SYNRG: variants seen among roughly 807,000 people sequenced by gnomAD.
SYNRG encodes AP1 gamma subunit binding protein 1.
A neutral mutation model predicts 130.9 loss-of-function variants in SYNRG; 37 were observed. That is an observed-to-expected ratio of 0.28 (90% CI 0.22 to 0.37). The LOEUF (loss-of-function observed/expected upper bound fraction) is 0.37, where lower values mean the gene tolerates loss of function less well. Among genes scored for constraint, SYNRG ranks in the 10% least tolerant of loss-of-function variants. The pLI, the probability that SYNRG is intolerant of heterozygous loss-of-function variation, is 1.00. For synonymous variants in SYNRG, 539 were observed against 568.1 expected (o/e 0.95, Z 0.73); for missense variants, 1,338 against 1,588.9 (o/e 0.84, Z 2.68).
At chr17:37,520,061 T>A in intron 21 of SYNRG, 118 bp downstream of exon 21, 1 of 1,116,836 alleles carries the variant, frequency 9.0e-7, no homozygotes, top group Non-Finnish European at 1.4e-6. Context: ...CAAAACTGAC[T>A]CAGTGAAGGA....
intron 11 of SYNRG, among the ~76,000 whole-genome samples, chr17:37,564,890 T>C (rs1648122866): frequency 6.6e-6 from 1 of 152,234 alleles, no homozygotes; most frequent in Admixed American, 6.5e-5. Context: ...TATCCCAGTG[T>C]CTGGCATATA....
chr17:37,595,796 C>T (rs921944843), intron 3 of SYNRG, among the ~76,000 whole-genome samples: 2 of 150,400 alleles, frequency 1.3e-5, no homozygotes, highest in Admixed American at 1.3e-4. Context: ...ACTTTGTTGC[C>T]CAGGCTGGAG....
intron 19 of SYNRG, among the ~76,000 whole-genome samples, chr17:37,531,300 C>T (rs113285744): frequency 2.0e-5 from 3 of 152,110 alleles, no homozygotes; most frequent in South Asian, 2.1e-4. Context: ...ATCACTACAA[C>T]GGAAAGGAGA....
chr17:37,577,742 A>AGGCTG lies in SYNRG; in HGVS notation c.590-134_590-130dup, dbSNP rs567117464. ...GAGATGGAATCTCACTCTGTCACCC[A>AGGCTG]GGCTGTAGTGTACTGGCATGATCTC... On this transcript the variant is annotated intron_variant, in intron 6 of 21. Coordinates refer to ENST00000612223, the MANE Select transcript of SYNRG (RefSeq NM_007247.6). 7.5e-4 allele frequency: 526 copies of AGGCTG among 703,178 alleles called. 1 individual carries two copies. In the African/African-American group the frequency reaches 0.01, roughly 14 times the overall value. 43.6% of individuals were successfully genotyped at this position (703,178 alleles called of 1,614,324 possible). A position where few individuals can be genotyped will look rare whatever the true frequency, so the allele number is the denominator to read the frequency against.
At chr17:37,592,137 A>G (rs1440005344) in intron 3 of SYNRG, among the ~76,000 whole-genome samples, 1 of 152,232 alleles carries the variant, frequency 6.6e-6, no homozygotes, top group Non-Finnish European at 1.5e-5. Flanking sequence ...AAATGGTCAG[A>G]AGCTATGAAA....
At chr17:37,525,777 C>G (rs936709144) in intron 19 of SYNRG, among the ~76,000 whole-genome samples, 4 of 152,182 alleles carry the variant, frequency 2.6e-5, no homozygotes, top group Non-Finnish European at 5.9e-5. Flanking sequence ...ACCAGCCTGG[C>G]CAACATGGTG....
chr17:37,571,507 G>A (rs574269698), intron 9 of SYNRG, among the ~76,000 whole-genome samples: 36 of 152,260 alleles, frequency 2.4e-4, no homozygotes, highest in Admixed American at 5.2e-4. Flanking sequence ...ACTTGAACCC[G>A]GGAGGCGGAA....
At chr17:37,565,532 G>A (rs1399776681) in intron 11 of SYNRG, among the ~76,000 whole-genome samples, 1 of 150,410 alleles carries the variant, frequency 6.6e-6, no homozygotes, top group Non-Finnish European at 1.5e-5. Flanking sequence ...GAGCCCCTCT[G>A]CCTGGCTGCC....
intron 7 of SYNRG, 79 bp downstream of exon 7, chr17:37,577,301 G>T: frequency 7.7e-7 from 1 of 1,298,902 alleles, no homozygotes; most frequent in Middle Eastern, 1.9e-4. Flanking sequence ...GCATTCATTT[G>T]AAGATTAATG....
At chr17:37,555,490 C>G (rs534650995) in intron 13 of SYNRG, among the ~76,000 whole-genome samples, 35 of 152,304 alleles carry the variant, frequency 2.3e-4, no homozygotes, top group Middle Eastern at 3.4e-3. Context: ...TATCATCACT[C>G]AGGTACAGCA....
intron 18 of SYNRG, 100 bp downstream of exon 18, chr17:37,538,224 C>T: frequency 1.2e-6 from 1 of 832,334 alleles, no homozygotes. Context: ...TTACTGAAGT[C>T]ATATGTAACT....
chr17:37,541,264 G>C, intron 15 of SYNRG: 1 of 985,456 alleles, frequency 1.0e-6, no homozygotes, highest in Non-Finnish European at 1.2e-6. Context: ...CCTCCTGTCA[G>C]GATGAGATTA....
At chr17:37,524,959 C>T (rs917588479) in intron 19 of SYNRG, among the ~76,000 whole-genome samples, 1 of 152,068 alleles carries the variant, frequency 6.6e-6, no homozygotes, top group Admixed American at 6.5e-5. Flanking sequence ...TAATAGAAGC[C>T]CCTTAATATC....
At chr17:37,554,108 CAT>C in intron 13 of SYNRG, 49 bp from the exon 14 acceptor site, 1 of 1,522,842 alleles carries the variant, frequency 6.6e-7, no homozygotes, top group Non-Finnish European at 8.9e-7. Context: ...AACTGAAAAC[CAT>C]ATAATACACA....
chr17:37,570,984 T>C (rs148724607), intron 9 of SYNRG, 99 bp from the exon 10 acceptor site: 1 of 1,424,918 alleles, frequency 7.0e-7, no homozygotes, highest in Non-Finnish European at 9.4e-7. Context: ...AGCCTTTGCA[T>C]GTTTCCACTC....
At chr17:37,569,277 GCATGTGCCTGTAGTC>G (rs201627850) in intron 10 of SYNRG, among the ~76,000 whole-genome samples, 1,660 of 152,316 alleles carry the variant, frequency 0.011, 25 homozygotes, top group African/African-American at 0.038. Flanking sequence ...GCGCATGGTG[GCATGTGCCTGTAGTC>G]CCAGCTACGT....
rs769739551 is a variant in SYNRG at position 37,539,234 on chromosome 17, T to G, written c.3378A>C (p.Arg1126Ser). The G allele has an allele frequency of 6.2e-7, 1 of 1,614,140 alleles. No homozygotes were observed. The highest frequency in any genetic ancestry group is 8.5e-7 in the Non-Finnish European group (1 of 1,180,010). ...DLTGEVEENE[R>S]YAYEWQRCLG... ...GGCATCTCTGCCATTCATATGCATATCTCTCATTTTCCTGTGAATTTGTTA... is the reference window on the plus strand; with the variant it reads ...GGCATCTCTGCCATTCATATGCATAGCTCTCATTTTCCTGTGAATTTGTTA... Residue 1126 changes from arginine (R) to serine (S), a missense_variant, in exon 17 of 22, where the codon AGA becomes AGC. Arg to Ser is a moderately radical substitution (Grantham distance 110). This residue lies in a region of SYNRG where 1,146 missense variants were observed against 1,342.3 expected (regional missense o/e 0.85). Coordinates refer to ENST00000612223, the MANE Select transcript of SYNRG (RefSeq NM_007247.6).
chr17:37,597,148 G>A lies in SYNRG; in HGVS notation c.119-804C>T, dbSNP rs959811680. Among the ~76,000 whole-genome samples the A allele has an allele frequency of 7.9e-5, 12 of 152,172 alleles. 1 individual carries two copies. The highest frequency in any genetic ancestry group is 1.8e-4 in the Non-Finnish European group (12 of 68,024). On this transcript the variant is annotated intron_variant, in intron 2 of 21. Coordinates refer to ENST00000612223, the MANE Select transcript of SYNRG (RefSeq NM_007247.6). ...CATGAAATACTCAATAAGACCTATGGAGAATCCATGTGGTAAGGTACTGAG... is the reference window on the plus strand; with the variant it reads ...CATGAAATACTCAATAAGACCTATGAAGAATCCATGTGGTAAGGTACTGAG...
At chr17:37,533,052 T>A (rs1248628603) in intron 19 of SYNRG, among the ~76,000 whole-genome samples, 1 of 152,198 alleles carries the variant, frequency 6.6e-6, no homozygotes, top group Admixed American at 6.5e-5. Context: ...GAAGGCAATG[T>A]TGATTATATT....
Sources: allele counts gnomAD v4.1 joint callset (sites outside exome capture counted in the v4.1 genomes callset), GRCh38; gene constraint gnomAD v4.1.1; regional missense constraint gnomAD v4.1.1; transcripts MANE v1.5; gene names NCBI Gene and HGNC (gene_info 2026-07-23, HGNC 2026-07-21).